The following GSR variants were observed in gnomAD, a reference collection of about 807,000 sequenced individuals.
The protein encoded by GSR is glutathione reductase, mitochondrial.
GSR carries 48 observed loss-of-function variants against 56.5 expected under a neutral mutation model. That is an observed-to-expected ratio of 0.85 (90% CI 0.67 to 1.08). GSR has a LOEUF of 1.08. Among genes scored for constraint, GSR ranks in the 50% least tolerant of loss-of-function variants. The pLI is 0.00. For missense variants in GSR, 694 were observed against 703.3 expected (o/e 0.99, Z 0.15); for synonymous variants, 264 against 270.8 (o/e 0.97, Z 0.25).
Position 30,693,041 on chromosome 8 carries a change from A to G in GSR, c.810T>C (p.Phe270=). The change falls in exon 8 of 13, where the codon TTT becomes TTC. Residue 270 remains phenylalanine (F), a synonymous_variant. Coordinates refer to ENST00000221130, the MANE Select transcript of GSR (RefSeq NM_000637.5). Reference sequence around the variant, plus strand: ...TGCAGTTGGTGCTGATCATTGAATCAAAACTTCTAAGTACCTGCATATCAA... The same window carrying G: ...TGCAGTTGGTGCTGATCATTGAATCGAAACTTCTAAGTACCTGCATATCAA... ...MIRHDKVLRS[F]DSMISTNCTE... 1 of 1,608,674 alleles carries G rather than the reference A, an allele frequency of 6.2e-7. No individual in the cohort carries two copies.
At chr8:30,721,983 T>C (rs1804555138) in intron 1 of GSR, among the ~76,000 whole-genome samples, 2 of 149,962 alleles carry the variant, frequency 1.3e-5, no homozygotes, top group African/African-American at 4.9e-5. Flanking sequence ...ACCACTACAT[T>C]CCAGCCTGGG....
intron 2 of GSR, among the ~76,000 whole-genome samples, chr8:30,711,022 A>G (rs1378601371): frequency 1.3e-5 from 2 of 152,144 alleles, no homozygotes; most frequent in African/African-American, 4.8e-5. Context: ...CAGATTACAA[A>G]AAGTATGACT....
intron 2 of GSR, 80 bp downstream of exon 2, chr8:30,711,982 A>G: frequency 1.2e-6 from 1 of 847,364 alleles, no homozygotes; most frequent in South Asian, 1.5e-5. Flanking sequence ...TAACTGATCT[A>G]TTTGGAAACA....
intron 7 of GSR, among the ~76,000 whole-genome samples, chr8:30,695,718 A>T (rs1034441523): frequency 6.6e-6 from 1 of 152,172 alleles, no homozygotes; most frequent in African/African-American, 2.4e-5. Flanking sequence ...ACATTACTTG[A>T]TCATATAAAA....
At chr8:30,717,579 G>A (rs753078324) in intron 1 of GSR, among the ~76,000 whole-genome samples, 30 of 152,086 alleles carry the variant, frequency 2.0e-4, no homozygotes, top group Non-Finnish European at 3.4e-4. Flanking sequence ...GATTCTCATA[G>A]GAGCGTGAAC....
intron 10 of GSR, among the ~76,000 whole-genome samples, chr8:30,683,633 A>T (rs1803030146): frequency 6.6e-6 from 1 of 151,490 alleles, no homozygotes; most frequent in African/African-American, 2.4e-5. Flanking sequence ...CAAAAAATGC[A>T]CCTGTGATCC....
At chr8:30,692,896 T>C (rs1284664692) in intron 8 of GSR, 73 bp downstream of exon 8, 2 of 911,206 alleles carry the variant, frequency 2.2e-6, no homozygotes, top group Non-Finnish European at 3.7e-6. Context: ...GTTTTTAAAC[T>C]AACTGGGCGA....
chr8:30,690,822 T>C (rs1803353941), intron 8 of GSR, among the ~76,000 whole-genome samples: 1 of 152,186 alleles, frequency 6.6e-6, no homozygotes, highest in Admixed American at 6.6e-5. Context: ...CTCAACACTT[T>C]GGGAGGCCGA....
intron 1 of GSR, among the ~76,000 whole-genome samples, chr8:30,726,697 G>C (rs1416387578): frequency 6.6e-6 from 1 of 152,098 alleles, no homozygotes; most frequent in East Asian, 1.9e-4. Context: ...GGGAGTTCGA[G>C]GCTGCAGTGA....
chr8:30,679,284 A>G lies in GSR; in HGVS notation c.*236T>C. The stretch of plus-strand genomic sequence containing the variant: ...TAGCACAGAGCTGTTAATAAAAAAA[A>G]AACTTGAAAATATTAATTACTGTGA... On this transcript the variant is annotated 3_prime_UTR_variant, in exon 13 of 13. Coordinates refer to ENST00000221130, the MANE Select transcript of GSR (RefSeq NM_000637.5). 1.8e-6 allele frequency: 1 copy of G among 553,600 alleles called. No homozygotes were observed. The highest frequency in any genetic ancestry group is 2.2e-5 in the South Asian group (1 of 46,228). 34.3% of individuals were successfully genotyped at this position (553,600 alleles called of 1,614,324 possible). A position where few individuals can be genotyped will look rare whatever the true frequency, so the allele number is the denominator to read the frequency against.
intron 7 of GSR, among the ~76,000 whole-genome samples, chr8:30,693,460 G>C (rs1216121474): frequency 6.6e-6 from 1 of 152,152 alleles, no homozygotes; most frequent in Non-Finnish European, 1.5e-5. Context: ...TATGGCCTTG[G>C]AGATATATCT....
chr8:30,699,675 C>T (rs1803662690), intron 6 of GSR, among the ~76,000 whole-genome samples: 1 of 151,662 alleles, frequency 6.6e-6, no homozygotes, highest in African/African-American at 2.4e-5. Flanking sequence ...AGCTCCTGAC[C>T]TCAGGTGATC....
At position 30,679,362 on chromosome 8, in the gene GSR, A is replaced by G. The variant is rs1348252092; in HGVS notation, c.*158T>C. 2 of 695,732 alleles carry G rather than the reference A, an allele frequency of 2.9e-6. No homozygotes were observed. Among genetic ancestry groups the G allele is most frequent in the Non-Finnish European group, 5.0e-6 (2 of 396,752 alleles). 43.1% of individuals were successfully genotyped at this position (695,732 alleles called of 1,614,324 possible). A position where few individuals can be genotyped will look rare whatever the true frequency, so the allele number is the denominator to read the frequency against. ...GATAACACTACAAATTTCTAACTCC[A>G]TAAATAAGTTCTATTATGTACTAAA... On this transcript the variant is annotated 3_prime_UTR_variant, in exon 13 of 13. Transcript: ENST00000221130.
At position 30,727,723 on chromosome 8, in the gene GSR, C is replaced by A; in HGVS notation, c.113G>T (p.Arg38Leu). Residue 38 changes from arginine (R) to leucine (L), a missense_variant, in exon 1 of 13, where the codon CGC becomes CTC. Physicochemically the swap from Arg to Leu is moderately radical, Grantham distance 102 (BLOSUM62 -2). Transcript: ENST00000221130. ...LLLPEPAALT[R>L]ALSRAMACRQ... ...GCAGGCCATGGCACGGGAGAGGGCG[C>A]GCGTGAGGGCCGCGGGCTCGGGCAG... 1 of 1,405,058 alleles carries A rather than the reference C, an allele frequency of 7.1e-7. No homozygotes were observed. Among genetic ancestry groups the A allele is most frequent in the South Asian group, 1.5e-5 (1 of 66,220 alleles). 87.0% of individuals were successfully genotyped at this position (1,405,058 alleles called of 1,614,324 possible).
Position 30,679,682 on chromosome 8 carries a change from G to C in GSR, c.1420-13C>G, listed in dbSNP as rs202236097. 1 of 1,594,998 alleles carries C rather than the reference G, an allele frequency of 6.3e-7. No individual in the cohort carries two copies. Among genetic ancestry groups the C allele is most frequent in the Non-Finnish European group, 8.6e-7 (1 of 1,164,652 alleles). On this transcript the variant is annotated splice_polypyrimidine_tract_variant and intron_variant, in intron 12 of 12. Coordinates refer to ENST00000221130, the MANE Select transcript of GSR (RefSeq NM_000637.5). ...GGATCCCAACCACCTGGGAAAAGAA[G>C]AGAAACATTTTCTTTTCTTTCTTCT...
chr8:30,716,038 T>G lies in GSR; in HGVS notation c.307-3950A>C, dbSNP rs8190916. Among the ~76,000 whole-genome samples, 4 of 152,354 alleles carry G rather than the reference T, an allele frequency of 2.6e-5. No homozygotes were observed. The South Asian group carries it at 8.3e-4, about 32-fold the overall frequency. On this transcript the variant is annotated intron_variant, in intron 1 of 12. Transcript: ENST00000221130. ...TAGAAGTTTCTGCCTTTTTTGCTTCTACGTCGTCTTAGCTTGCAGGCATTC... is the reference window on the plus strand; with the variant it reads ...TAGAAGTTTCTGCCTTTTTTGCTTCGACGTCGTCTTAGCTTGCAGGCATTC...
chr8:30,703,994 C>T (rs774393192), intron 4 of GSR, among the ~76,000 whole-genome samples: 1 of 151,990 alleles, frequency 6.6e-6, no homozygotes, highest in Non-Finnish European at 1.5e-5. Flanking sequence ...GAATTGAGGG[C>T]GAAAGTTCCT....
In GSR at chr8:30,714,973, T is replaced by A. The variant is rs7832572; in HGVS notation, c.307-2885A>T. 7.6e-3 allele frequency among the ~76,000 whole-genome samples: 1,159 copies of A among 152,252 alleles called. 18 individuals are homozygous for A. The highest frequency in any genetic ancestry group is 0.027 in the African/African-American group (1,116 of 41,546). ...GCAGAGTATCACAAGTACTTCATAC[T>A]AAAAATTAGAATAATTTATGGGCTG... On this transcript the variant is annotated intron_variant, in intron 1 of 12. Coordinates refer to ENST00000221130, the MANE Select transcript of GSR (RefSeq NM_000637.5).
rs8190972 is a variant in GSR at position 30,703,258 on chromosome 8, A to C, written c.493-18T>G. 1.1e-3 allele frequency: 1,776 copies of C among 1,611,346 alleles called. 9 individuals carry two copies. The highest frequency in any genetic ancestry group is 8.6e-3 in the South Asian group (784 of 91,016). ...ATATGGGACTAAAGAAGGAACCATG[A>C]CATTAGCCTGTTCTTAGAATAAAAA... On this transcript the variant is annotated intron_variant, in intron 4 of 12. Coordinates refer to ENST00000221130, the MANE Select transcript of GSR (RefSeq NM_000637.5).
Sources: allele counts gnomAD v4.1 joint callset (sites outside exome capture counted in the v4.1 genomes callset), GRCh38; gene constraint gnomAD v4.1.1; transcripts MANE v1.5; gene names NCBI Gene and HGNC (gene_info 2026-07-23, HGNC 2026-07-21).